RAB27B: variants seen among roughly 807,000 people sequenced by gnomAD.
RAB27B encodes the protein ras-related protein Rab-27B.
Under a neutral mutation model 24.6 loss-of-function variants are expected in RAB27B, and 15 were observed. That is an observed-to-expected ratio of 0.61 (90% CI 0.41 to 0.94). RAB27B has a LOEUF of 0.94. Among genes scored for constraint, RAB27B ranks in the 40% least tolerant of loss-of-function variants. The pLI is 0.00. For synonymous variants in RAB27B, 105 were observed against 92.5 expected (o/e 1.14, Z -0.78); for missense variants, 261 against 266.8 (o/e 0.98, Z 0.15).
chr18:54,719,812 T>C (rs1211779235), intron 2 of RAB27B, among the ~76,000 whole-genome samples: 1 of 152,116 alleles, frequency 6.6e-6, no homozygotes, highest in Non-Finnish European at 1.5e-5. Context: ...TAAAGATGAC[T>C]CAATTCTTCA....
At chr18:54,789,078 T>A (rs1909175172) in intron 2 of RAB27B, among the ~76,000 whole-genome samples, 1 of 152,196 alleles carries the variant, frequency 6.6e-6, no homozygotes. Context: ...TAAAGGGAAT[T>A]TTAGACACTT....
At chr18:54,864,923 T>C (rs970812888) in intron 1 of RAB27B, among the ~76,000 whole-genome samples, 6 of 152,152 alleles carry the variant, frequency 3.9e-5, no homozygotes. Flanking sequence ...GATCAGCTTG[T>C]GATTTTTGTG....
rs559070445 is a variant in RAB27B at position 54,833,234 on chromosome 18, C to CTTT, written c.-20+4546_-20+4548dup. On this transcript the variant is annotated intron_variant, in intron 1 of 5. Transcript: ENST00000262094. ...CTTTCTTTTCTTTTTTTCTTTCTTT[C>CTTT]TTTTTTTTTTTTTTGAGATGGAGTT... 3.6e-3 allele frequency among the ~76,000 whole-genome samples: 467 copies of CTTT among 129,488 alleles called. 24 individuals are homozygous for CTTT. The highest frequency in any genetic ancestry group is 8.0e-3 in the African/African-American group (277 of 34,704). The allele number at this position is 129,488 out of a possible 152,430, so 84.9% of individuals were successfully genotyped here.
At chr18:54,784,930 C>T (rs756695493) in intron 2 of RAB27B, among the ~76,000 whole-genome samples, 37 of 152,144 alleles carry the variant, frequency 2.4e-4, no homozygotes, top group South Asian at 1.0e-3. Context: ...CTGATGGATG[C>T]TCCTCTCACT....
intron 2 of RAB27B, among the ~76,000 whole-genome samples, chr18:54,794,229 CCTGAA>C (rs1185839868): frequency 2.6e-5 from 4 of 151,970 alleles, no homozygotes; most frequent in African/African-American, 9.7e-5. Context: ...ATTATAGCAC[CCTGAA>C]CTAAGAAAAC....
At chr18:54,831,578 G>A (rs554754292) in intron 1 of RAB27B, among the ~76,000 whole-genome samples, 1 of 152,334 alleles carries the variant, frequency 6.6e-6, no homozygotes, top group South Asian at 2.1e-4. Flanking sequence ...ATGTTAGTGA[G>A]ATATACGAGG....
At chr18:54,863,428 A>G (rs1348949659) in intron 1 of RAB27B, among the ~76,000 whole-genome samples, 1 of 152,228 alleles carries the variant, frequency 6.6e-6, no homozygotes, top group Non-Finnish European at 1.5e-5. Flanking sequence ...AATGCAAACA[A>G]GCATTGTGGA....
chr18:54,741,604 C>T (rs1023158522), intron 2 of RAB27B, among the ~76,000 whole-genome samples: 1 of 152,122 alleles, frequency 6.6e-6, no homozygotes, highest in African/African-American at 2.4e-5. Context: ...AGCCATCCTC[C>T]CACCCCAGCC....
chr18:54,787,985 T>TG (rs1343246512), intron 2 of RAB27B, among the ~76,000 whole-genome samples: 1 of 152,226 alleles, frequency 6.6e-6, no homozygotes, highest in African/African-American at 2.4e-5. Context: ...ACTCAGAACT[T>TG]GCTATTGTGG....
In RAB27B at chr18:54,892,995, C is replaced by A. The variant is rs187603917; in HGVS notation, c.*3582C>A. 5.3e-5 allele frequency: 8 copies of A among 152,096 alleles called. No homozygotes were observed. Among genetic ancestry groups the A allele is most frequent in the African/African-American group, 1.9e-4 (8 of 41,524 alleles). 9.4% of individuals were successfully genotyped at this position (152,096 alleles called of 1,614,324 possible). ...CCACAATATGATGTTCTTTAAGCTGCAAATTGAGTACACTGGGAATCAACA... is the reference window on the plus strand; with the variant it reads ...CCACAATATGATGTTCTTTAAGCTGAAAATTGAGTACACTGGGAATCAACA... On this transcript the variant is annotated 3_prime_UTR_variant, in exon 6 of 6. Coordinates refer to ENST00000262094, the MANE Select transcript of RAB27B (RefSeq NM_004163.4).
At chr18:54,765,288 A>G (rs73959302) in intron 2 of RAB27B, among the ~76,000 whole-genome samples, 8,470 of 152,086 alleles carry the variant, frequency 0.056, 299 homozygotes, top group Admixed American at 0.085. Flanking sequence ...CACTGTGCCC[A>G]GCCCCTCTCT....
intron 2 of RAB27B, among the ~76,000 whole-genome samples, chr18:54,799,685 A>G (rs1044308843): frequency 7.8e-6 from 1 of 127,434 alleles, no homozygotes; most frequent in Non-Finnish European, 1.5e-5. Context: ...GCTGGAGTGC[A>G]GTGGCGTGAT....
At chr18:54,852,462 GA>G in intron 1 of RAB27B, among the ~76,000 whole-genome samples, 1 of 152,228 alleles carries the variant, frequency 6.6e-6, no homozygotes, top group South Asian at 2.1e-4. Flanking sequence ...TTTTAATTTG[GA>G]AAATGGTTGA....
chr18:54,723,114 T>C (rs991650908), intron 2 of RAB27B, among the ~76,000 whole-genome samples: 3 of 152,162 alleles, frequency 2.0e-5, no homozygotes, highest in African/African-American at 7.2e-5. Context: ...CACAGACAAA[T>C]TGACATGTTC....
rs376100850 is a variant in RAB27B, at chr18:54,753,340, T to C, written c.-20+35199T>C. 5.9e-5 allele frequency among the ~76,000 whole-genome samples: 9 copies of C among 152,332 alleles called. No homozygotes were observed. The East Asian group carries it at 9.6e-4, about 16-fold the overall frequency. On this transcript the variant is annotated intron_variant, in intron 2 of 4. Transcript: ENST00000586570. Reference sequence around the variant, plus strand: ...CATGGACCATTTTTCTTCCATGCCTTGTATTCTAGTACCTTGTTGAATCTG... The same window carrying C: ...CATGGACCATTTTTCTTCCATGCCTCGTATTCTAGTACCTTGTTGAATCTG...
At chr18:54,742,450 G>T (rs1416103458) in intron 2 of RAB27B, among the ~76,000 whole-genome samples, 3 of 152,172 alleles carry the variant, frequency 2.0e-5, no homozygotes, top group Admixed American at 6.5e-5. Context: ...AAGGCAGGAG[G>T]AAGTTGGGGT....
intron 4 of RAB27B, 118 bp downstream of exon 4, chr18:54,884,554 G>A: frequency 1.5e-6 from 1 of 652,248 alleles, no homozygotes. Context: ...AAAGTCATGA[G>A]TTTAGTGTTG....
At chr18:54,863,329 G>C (rs1238561305) in intron 1 of RAB27B, among the ~76,000 whole-genome samples, 2 of 152,052 alleles carry the variant, frequency 1.3e-5, no homozygotes, top group Admixed American at 6.6e-5. Flanking sequence ...ATGGCCTATA[G>C]ATAAAATGTA....
Position 54,877,591 on chromosome 18 carries a change from C to A in RAB27B, c.6C>A (p.Thr2=), listed in dbSNP as rs201484039. The change falls in exon 2 of 6, where the codon ACC becomes ACA. Residue 2 remains threonine (T), a synonymous_variant. Coordinates refer to ENST00000262094, the MANE Select transcript of RAB27B (RefSeq NM_004163.4). The part of the protein sequence containing the change: M[T]DGDYDYLIKL... ...GACCGACCAAGACCATCACTATGAC[C>A]GATGGAGACTATGATTATCTGATCA... 1.8e-5 allele frequency: 28 copies of A among 1,554,670 alleles called. No individual in the cohort carries two copies. The highest frequency in any genetic ancestry group is 2.2e-5 in the Non-Finnish European group (26 of 1,160,448).
Sources: allele counts gnomAD v4.1 joint callset (sites outside exome capture counted in the v4.1 genomes callset), GRCh38; gene constraint gnomAD v4.1.1; transcripts MANE v1.5; gene names NCBI Gene and HGNC (gene_info 2026-07-23, HGNC 2026-07-21).